The following SCARB1 variants were observed in gnomAD, a reference collection of about 807,000 sequenced individuals.
SCARB1 encodes scavenger receptor class B member 1, also known as CD36 and LIMPII analogous 1.
In SCARB1, 30 loss-of-function variants were observed where a neutral mutation model predicts 57.2. The ratio of observed to expected loss-of-function variants is 0.52; its 90% CI spans 0.39 to 0.71. The LOEUF (loss-of-function observed/expected upper bound fraction) is 0.71, where lower values mean the gene tolerates loss of function less well. SCARB1 is among the 30% of genes least tolerant of loss of function. The pLI is 0.00. For missense variants in SCARB1, 543 were observed against 671.2 expected (o/e 0.81, Z 2.11); for synonymous variants, 249 against 268.3 (o/e 0.93, Z 0.70).
intron 1 of SCARB1, among the ~76,000 whole-genome samples, chr12:124,827,094 C>A (rs184028997): frequency 2.0e-5 from 3 of 152,296 alleles, no homozygotes; most frequent in Non-Finnish European, 4.4e-5. Flanking sequence ...TCTCTGGCCC[C>A]ACATCCAACT....
At chr12:124,808,684 T>C (rs919725205) in intron 6 of SCARB1, among the ~76,000 whole-genome samples, 1 of 152,002 alleles carries the variant, frequency 6.6e-6, no homozygotes, top group African/African-American at 2.4e-5. Context: ...TCAAAAGCAC[T>C]TCTGAACTTG....
rs1872620063 is a variant in SCARB1 at position 124,777,659 on chromosome 12, A to C, written c.*928T>G. ...TTTTTTAAACGTTTATTACTTCAAG[A>C]GTGAATTATTTTTCAAAGATGATAA... On this transcript the variant is annotated 3_prime_UTR_variant, in exon 13 of 13. Transcript: ENST00000261693. 6.6e-6 allele frequency: 1 copy of C among 152,200 alleles called. No homozygotes were observed. Among genetic ancestry groups the C allele is most frequent in the Non-Finnish European group, 1.5e-5 (1 of 68,046 alleles). 9.4% of individuals were successfully genotyped at this position (152,200 alleles called of 1,614,324 possible).
In SCARB1 at chr12:124,822,770, C is replaced by T. The variant is rs1448475469; in HGVS notation, c.127-5063G>A. ...GGGCATGGTGGCGCACACCTGTGGTCCCAGCTACTCAGGAGACTGAGCTGG... is the reference window on the plus strand; with the variant it reads ...GGGCATGGTGGCGCACACCTGTGGTTCCAGCTACTCAGGAGACTGAGCTGG... On this transcript the variant is annotated intron_variant, in intron 1 of 12. Transcript: ENST00000261693. The surrounding 1 kb of genome is among the most constrained non-coding windows in gnomAD (Gnocchi z 5.0). Among the ~76,000 whole-genome samples the T allele has an allele frequency of 2.6e-5, 4 of 152,164 alleles. No individual in the cohort carries two copies. The highest frequency in any genetic ancestry group is 2.6e-4 in the Admixed American group (4 of 15,272).
Position 124,814,489 on chromosome 12 carries a change from G to C in SCARB1, c.427-84C>G. ...GGCCCCAGCTGGGCCTCACAGCAAAGAGCCCATGAAGGGAAATGCTGGGGT... is the reference window on the plus strand; with the variant it reads ...GGCCCCAGCTGGGCCTCACAGCAAACAGCCCATGAAGGGAAATGCTGGGGT... On this transcript the variant is annotated intron_variant, in intron 3 of 12. Coordinates refer to ENST00000261693, the MANE Select transcript of SCARB1 (RefSeq NM_005505.5). The surrounding 1 kb of genome is among the most constrained non-coding windows in gnomAD (Gnocchi z 4.7). The C allele has an allele frequency of 6.9e-7, 1 of 1,440,110 alleles. No individual in the cohort carries two copies. The highest frequency in any genetic ancestry group is 1.4e-5 in the African/African-American group (1 of 71,516). 89.2% of individuals were successfully genotyped at this position (1,440,110 alleles called of 1,614,324 possible).
chr12:124,837,639 C>T (rs1219936977), intron 1 of SCARB1, among the ~76,000 whole-genome samples: 1 of 152,020 alleles, frequency 6.6e-6, no homozygotes, highest in Admixed American at 6.6e-5. Flanking sequence ...GTAATCCCAA[C>T]ACTTTGGGAG....
intron 11 of SCARB1, chr12:124,785,773 G>A (rs1949489562): frequency 2.4e-6 from 1 of 408,460 alleles, no homozygotes; most frequent in South Asian, 4.1e-5. Context: ...GGTTAAATAA[G>A]ATTAAAATTA....
At chr12:124,808,462 G>A (rs1413483409) in intron 6 of SCARB1, among the ~76,000 whole-genome samples, 1 of 152,016 alleles carries the variant, frequency 6.6e-6, no homozygotes, top group Non-Finnish European at 1.5e-5. Context: ...TGTGCCCAGG[G>A]CCTCCCTGCA....
chr12:124,786,610 C>A, intron 10 of SCARB1, 107 bp from the exon 11 acceptor site: 1 of 1,549,118 alleles, frequency 6.5e-7, no homozygotes, highest in Non-Finnish European at 8.7e-7. Context: ...TTTTCCCCAC[C>A]TCAAGCTTCC....
intron 1 of SCARB1, among the ~76,000 whole-genome samples, chr12:124,836,018 G>A (rs1359093278): frequency 6.6e-6 from 1 of 152,206 alleles, no homozygotes; most frequent in Non-Finnish European, 1.5e-5. Flanking sequence ...CGATGAGAAC[G>A]TGGCATTCAT....
chr12:124,786,646 C>G (rs1949533107), intron 10 of SCARB1, 143 bp from the exon 11 acceptor site: 1 of 1,471,046 alleles, frequency 6.8e-7, no homozygotes, highest in Non-Finnish European at 9.1e-7. Flanking sequence ...TTGGAGCCTG[C>G]CAGGGACCTC....
chr12:124,813,017 A>C (rs983162216), intron 4 of SCARB1, among the ~76,000 whole-genome samples: 3 of 152,190 alleles, frequency 2.0e-5, no homozygotes, highest in African/African-American at 7.2e-5. Context: ...GATCATTATA[A>C]TGGACGGAGA....
Position 124,795,356 on chromosome 12 carries a change from G to A in SCARB1, c.1129-88C>T. On this transcript the variant is annotated intron_variant, in intron 8 of 12. Coordinates refer to ENST00000261693, the MANE Select transcript of SCARB1 (RefSeq NM_005505.5). Reference sequence around the variant, plus strand: ...TCCTCTCCCTGGTCCCAGTCAAGAGGGTGGGCGTCCCAGCTAACTGCCCAG... The same window carrying A: ...TCCTCTCCCTGGTCCCAGTCAAGAGAGTGGGCGTCCCAGCTAACTGCCCAG... 5 of 1,092,524 alleles carry A rather than the reference G, an allele frequency of 4.6e-6. No homozygotes were observed. The Admixed American group carries it at 6.9e-5, about 15-fold the overall frequency. 67.7% of individuals were successfully genotyped at this position (1,092,524 alleles called of 1,614,324 possible).
chr12:124,806,630 C>G (rs1950332792), intron 7 of SCARB1, among the ~76,000 whole-genome samples: 1 of 152,232 alleles, frequency 6.6e-6, no homozygotes, highest in South Asian at 2.1e-4. Context: ...CACAGTGGCT[C>G]ACACCTGTAA....
chr12:124,831,812 T>A (rs2082665108), intron 1 of SCARB1, among the ~76,000 whole-genome samples: 2 of 152,180 alleles, frequency 1.3e-5, no homozygotes, highest in Admixed American at 1.3e-4. Context: ...CAGCCCTTCG[T>A]CACTGCGATC....
chr12:124,851,608 A>T (rs978598479), intron 1 of SCARB1, among the ~76,000 whole-genome samples: 20 of 128,084 alleles, frequency 1.6e-4, no homozygotes, highest in East Asian at 1.3e-3. Flanking sequence ...AAAGGATTCC[A>T]TTTTTTTTTT....
chr12:124,817,811 TC>T lies in SCARB1; in HGVS notation c.127-105del. The T allele has an allele frequency of 4.0e-6, 5 of 1,245,836 alleles. No homozygotes were observed. Among genetic ancestry groups the T allele is most frequent in the Middle Eastern group, 1.9e-4 (1 of 5,312 alleles). The allele number at this position is 1,245,836 out of a possible 1,614,324, so 77.2% of individuals were successfully genotyped here. ...GCCCGAGCCCGGCCAGGGAAGGGGC[TC>T]CTCGGCGGGAGCTTGGGATAGGAGG... is the stretch of plus-strand genomic sequence containing the variant. On this transcript the variant is annotated intron_variant, in intron 1 of 12. Coordinates refer to ENST00000261693, the MANE Select transcript of SCARB1 (RefSeq NM_005505.5). The surrounding 1 kb of genome is among the most constrained non-coding windows in gnomAD (Gnocchi z 4.8).
intron 11 of SCARB1, chr12:124,784,862 T>A (rs1949454446): frequency 6.6e-6 from 1 of 152,408 alleles, no homozygotes. Context: ...ATCACAGCTC[T>A]CCTGTCCTTC....
Position 124,815,012 on chromosome 12 carries a change from C to T in SCARB1, c.387G>A (p.Ser129=), listed in dbSNP as rs774684831. 1.1e-5 allele frequency: 18 copies of T among 1,614,092 alleles called. No homozygotes were observed. Among genetic ancestry groups the T allele is most frequent in the Non-Finnish European group, 1.5e-5 (18 of 1,180,050 alleles). ...FQFQPSKSHG[S]ESDYIVMPNI... ...TGGGCATGACGATGTAGTCGCTCTC[C>T]GAGCCGTGGGACTTGGAGGGCTGGA... The change falls in exon 3 of 13, where the codon TCG becomes TCA. Residue 129 remains serine, a synonymous_variant. Coordinates refer to ENST00000261693, the MANE Select transcript of SCARB1 (RefSeq NM_005505.5).
At chr12:124,797,891 A>G (rs1949999447) in intron 8 of SCARB1, among the ~76,000 whole-genome samples, 1 of 152,246 alleles carries the variant, frequency 6.6e-6, no homozygotes, top group Non-Finnish European at 1.5e-5. Flanking sequence ...CATTGTGGCA[A>G]ACGTGTGGAG....
Sources: gnomAD v4.1 joint callset for allele counts (sites outside exome capture counted in the v4.1 genomes callset) on GRCh38, gnomAD v4.1.1 for gene constraint, Gnocchi (gnomAD v3.1) non-coding constraint, MANE v1.5 for transcripts, NCBI Gene and HGNC (gene_info 2026-07-23, HGNC 2026-07-21) for gene names.